Variants in TUSC3 observed in about 807,000 individuals in gnomAD.
TUSC3 encodes the protein tumor suppressor candidate 3, also known as dolichyl-diphosphooligosaccharide--protein glycosyltransferase subunit TUSC3.
In TUSC3, 45 loss-of-function variants were observed where a neutral mutation model predicts 44.8. The observed-to-expected ratio is 1.00, with a 90% CI of 0.79 to 1.29. The LOEUF is 1.29. Among genes scored for constraint, TUSC3 ranks in the 50% most tolerant of loss-of-function variants. The pLI is 0.00. For synonymous variants in TUSC3, 212 were observed against 152.9 expected, an observed-to-expected ratio of 1.39 and a Z score of -2.85; for missense variants, 519 against 437.9, an observed-to-expected ratio of 1.19 and a Z score of -1.65.
chr8:15,630,959 T>C (rs1025944465), intron 2 of TUSC3, among the ~76,000 whole-genome samples: 1 of 152,124 alleles, frequency 6.6e-6, no homozygotes, highest in African/African-American at 2.4e-5. Context: ...CACTTGTAAG[T>C]ATATTACTTT....
At chr8:15,772,665 A>G in the TUSC3 span, among the ~76,000 whole-genome samples, 1 of 152,248 alleles carries the variant, frequency 6.6e-6, no homozygotes. Flanking sequence ...TGTGGCAACT[A>G]TTAACCTTGA....
chr8:15,597,089 A>G (rs1488686668), intron 1 of TUSC3, among the ~76,000 whole-genome samples: 1 of 152,112 alleles, frequency 6.6e-6, no homozygotes, highest in African/African-American at 2.4e-5. Flanking sequence ...TACAGTAGGA[A>G]GAGGTCAGAG....
rs187943280 is a variant in TUSC3, at chr8:15,534,706, C to T, written n.189+51223C>T. Among the ~76,000 whole-genome samples, 9 of 150,778 alleles carry T rather than the reference C, an allele frequency of 6.0e-5. No homozygotes were observed. The East Asian group carries it at 9.8e-4, about 16-fold the overall frequency. On this transcript the variant is annotated intron_variant and non_coding_transcript_variant, in intron 2 of 5. Transcript: ENST00000503191. ...TAAAGGAGTTTAATTGAGCAATGAA[C>T]GATTCGTGAATCCAGCAGCCTCCAG...
At chr8:15,606,516 A>G (rs79732823) in intron 1 of TUSC3, among the ~76,000 whole-genome samples, 5,258 of 152,078 alleles carry the variant, frequency 0.035, 307 homozygotes, top group African/African-American at 0.12. Context: ...TTTAGCATGT[A>G]TGTAAAAAAG....
At chr8:15,522,265 C>T (rs193228450) in intron 2 of TUSC3, among the ~76,000 whole-genome samples, 2,021 of 151,430 alleles carry the variant, frequency 0.013, 15 homozygotes, top group Non-Finnish European at 0.02. Context: ...GACAGTCTTG[C>T]TCTATCGCCC....
In TUSC3 at chr8:15,491,169, C is replaced by T. The variant is rs183809168; in HGVS notation, n.189+7686C>T. Among the ~76,000 whole-genome samples the T allele has an allele frequency of 4.6e-3, 693 of 152,208 alleles. 4 individuals carry two copies. The highest frequency in any genetic ancestry group is 0.01 in the Middle Eastern group (3 of 294). ...GATAGGATAGAGAAAGCAGTCAGAC[C>T]TGCCTTTGTCTCAGTAGAGTGAAGG... On this transcript the variant is annotated intron_variant and non_coding_transcript_variant, in intron 2 of 5. Transcript: ENST00000503191.
intron 1 of TUSC3, among the ~76,000 whole-genome samples, chr8:15,604,214 A>G (rs1377547319): frequency 1.3e-5 from 2 of 151,618 alleles, no homozygotes; most frequent in African/African-American, 4.8e-5. Context: ...GATTTTATGT[A>G]CCTGTTTATG....
intron 1 of TUSC3, among the ~76,000 whole-genome samples, chr8:15,570,840 C>G (rs1272174286): frequency 6.6e-6 from 1 of 151,816 alleles, no homozygotes; most frequent in Admixed American, 6.6e-5. Flanking sequence ...TGAATGCATA[C>G]CTCTGGGGAT....
At chr8:15,597,344 C>G (rs1804115589) in intron 1 of TUSC3, among the ~76,000 whole-genome samples, 1 of 152,066 alleles carries the variant, frequency 6.6e-6, no homozygotes, top group Admixed American at 6.6e-5. Flanking sequence ...GACAGTTTTC[C>G]TCAAGGTAAA....
At chr8:15,559,075 G>A (rs2129139379) in intron 1 of TUSC3, among the ~76,000 whole-genome samples, 1 of 144,490 alleles carries the variant, frequency 6.9e-6, no homozygotes, top group African/African-American at 2.5e-5. Flanking sequence ...TGCTTTTCTA[G>A]TTCTTTTAAT....
chr8:15,495,937 C>A (rs1012445457), intron 2 of TUSC3, among the ~76,000 whole-genome samples: 1 of 152,148 alleles, frequency 6.6e-6, no homozygotes, highest in Non-Finnish European at 1.5e-5. Flanking sequence ...CAGGCCCCTA[C>A]CTGACCCTTC....
rs78939124 is a variant in TUSC3, at chr8:15,522,541, C to CT, written n.189+39072dup. ...AGCCACCATGCCCAGCCTATTCAGC[C>CT]TTTTTTTTTTTTTTCACCTTGAGAC... On this transcript the variant is annotated intron_variant and non_coding_transcript_variant, in intron 2 of 5. Transcript: ENST00000503191. 2.1e-3 allele frequency among the ~76,000 whole-genome samples: 301 copies of CT among 141,374 alleles called. 1 individual carries two copies. Among genetic ancestry groups the CT allele is most frequent in the South Asian group, 0.012 (53 of 4,430 alleles). 92.7% of individuals were successfully genotyped at this position (141,374 alleles called of 152,430 possible).
At chr8:15,834,636 G>T in the TUSC3 span, among the ~76,000 whole-genome samples, 5 of 151,928 alleles carry the variant, frequency 3.3e-5, no homozygotes, top group African/African-American at 1.2e-4. Context: ...TATGGATATG[G>T]CATATTTCAT....
In TUSC3 at chr8:15,693,441, C is replaced by CTTTTTTTTTTTTTTTTTTTTTTTTT. The variant is rs35915071; in HGVS notation, c.798+19629_798+19630insTTTTTTTTTTTTTTTTTTTTTTTTT. ...GATATAAAACTCTTGGTTGGAAGTT[C>CTTTTTTTTTTTTTTTTTTTTTTTTT]TTTTTTTTTTTTTTTTTTTTTTTTA... On this transcript the variant is annotated intron_variant, in intron 6 of 10. Transcript: ENST00000503731. Among the ~76,000 whole-genome samples the CTTTTTTTTTTTTTTTTTTTTTTTTT allele has an allele frequency of 2.1e-5, 2 of 96,894 alleles. 1 individual carries two copies. Among genetic ancestry groups the CTTTTTTTTTTTTTTTTTTTTTTTTT allele is most frequent in the Non-Finnish European group, 3.8e-5 (2 of 52,648 alleles). The allele number at this position is 96,894 out of a possible 152,430, so 63.6% of individuals were successfully genotyped here.
chr8:15,566,773 G>C (rs955564444), intron 1 of TUSC3, among the ~76,000 whole-genome samples: 1 of 152,012 alleles, frequency 6.6e-6, no homozygotes, highest in Non-Finnish European at 1.5e-5. Context: ...ATAGGCACGT[G>C]TCATCATGAC....
chr8:15,723,595 A>T (rs763102683), intron 6 of TUSC3, among the ~76,000 whole-genome samples: 3 of 152,132 alleles, frequency 2.0e-5, no homozygotes, highest in African/African-American at 4.8e-5. Flanking sequence ...CACATCTGCC[A>T]TTTGGTGTAG....
intron 6 of TUSC3, among the ~76,000 whole-genome samples, chr8:15,691,312 A>G (rs760009760): frequency 6.6e-6 from 1 of 151,764 alleles, no homozygotes; most frequent in Non-Finnish European, 1.5e-5. Context: ...TTCACCTTGG[A>G]TGTTTTTGGT....
At chr8:15,689,821 G>GGT (rs71543657) in intron 6 of TUSC3, among the ~76,000 whole-genome samples, 13,094 of 130,794 alleles carry the variant, frequency 0.1, 595 homozygotes, top group South Asian at 0.2. Flanking sequence ...AATAGTCCAT[G>GGT]GTGTGTGTGT....
At chr8:15,662,104 A>C in intron 4 of TUSC3, 52 bp from the exon 5 acceptor site, 3 of 1,593,814 alleles carry the variant, frequency 1.9e-6, no homozygotes, top group Non-Finnish European at 8.6e-7. Flanking sequence ...TATGATCAAA[A>C]GAAAAATTTT....
Sources: allele counts gnomAD v4.1 joint callset (sites outside exome capture counted in the v4.1 genomes callset), GRCh38; gene constraint gnomAD v4.1.1; transcripts MANE v1.5; gene names NCBI Gene and HGNC (gene_info 2026-07-23, HGNC 2026-07-21).